The following CEP152 variants were observed in gnomAD, a reference collection of about 807,000 sequenced individuals.
The protein encoded by CEP152 is centrosomal protein 152, also known as centrosomal protein of 152 kDa.
A neutral mutation model predicts 188.9 loss-of-function variants in CEP152; 132 were observed. The ratio of observed to expected loss-of-function variants is 0.70; its 90% CI spans 0.61 to 0.81. The LOEUF is 0.81. Ranked by LOEUF, CEP152 falls within the 30% of genes least tolerant of loss-of-function variation. The pLI is 0.00. For synonymous variants in CEP152, 649 were observed against 666.6 expected (o/e 0.97, Z 0.41); for missense variants, 1,914 against 1,969.8 (o/e 0.97, Z 0.54).
At chr15:48,753,260 T>C (rs1178935645) in intron 20 of CEP152, among the ~76,000 whole-genome samples, 3 of 152,102 alleles carry the variant, frequency 2.0e-5, no homozygotes, top group Non-Finnish European at 4.4e-5. Context: ...GCCTCAACCC[T>C]CGTGATCCGC....
chr15:48,764,009 C>T (rs1002865734), intron 17 of CEP152, among the ~76,000 whole-genome samples: 4 of 151,994 alleles, frequency 2.6e-5, no homozygotes, highest in Admixed American at 2.0e-4. Context: ...TGAGTTGGGT[C>T]GAAAAGTCAA....
chr15:48,786,868 G>A (rs1896672730), intron 9 of CEP152, among the ~76,000 whole-genome samples: 1 of 152,098 alleles, frequency 6.6e-6, no homozygotes, highest in South Asian at 2.1e-4. Context: ...GAGTAATGCA[G>A]TGGGCACAGG....
chr15:48,774,784 T>C (rs1452297748), intron 12 of CEP152, among the ~76,000 whole-genome samples: 1 of 151,806 alleles, frequency 6.6e-6, no homozygotes, highest in Admixed American at 6.6e-5. Flanking sequence ...ACCAGAAAAA[T>C]GTGGCCAAAT....
At chr15:48,736,001 A>C (rs968502081), downstream of CEP152, among the ~76,000 whole-genome samples, 3 of 152,234 alleles carry the variant, frequency 2.0e-5, no homozygotes, top group African/African-American at 7.2e-5. Context: ...GATTATGAGA[A>C]TACTATGGCT....
At chr15:48,810,323 T>C (rs938955865) in intron 1 of CEP152, 2 of 152,238 alleles carry the variant, frequency 1.3e-5, no homozygotes, top group African/African-American at 4.8e-5. Context: ...TTCGACAATT[T>C]ACCAAGCACT....
In CEP152 at chr15:48,762,625, C is replaced by CCA. The variant is rs1894770954; in HGVS notation, c.2327_2328insTG (p.Lys776AsnfsTer7). On this transcript the variant is annotated frameshift_variant, in exon 18 of 27. Coordinates refer to ENST00000380950, the MANE Select transcript of CEP152 (RefSeq NM_001194998.2). LOFTEE classifies it high-confidence loss of function. Reference sequence around the variant, plus strand: ...TCATTGCCTTTATAGTTTGATCCAGCTTAGACTGCCACTCCTTTTCAAGCT... The same window carrying CCA: ...TCATTGCCTTTATAGTTTGATCCAGCCATTAGACTGCCACTCCTTTTCAAGCT... 2 of 1,613,820 alleles carry CCA rather than the reference C, an allele frequency of 1.2e-6. No homozygotes were observed. The highest frequency in any genetic ancestry group is 1.7e-6 in the Non-Finnish European group (2 of 1,179,992).
At chr15:48,765,372 A>C (rs1311844889) in intron 17 of CEP152, among the ~76,000 whole-genome samples, 1 of 152,054 alleles carries the variant, frequency 6.6e-6, no homozygotes, top group East Asian at 1.9e-4. Flanking sequence ...TTTTTTTTTA[A>C]TTATACTTTA....
At chr15:48,795,942 TATTC>T (rs1171289992) in intron 6 of CEP152, 64 bp downstream of exon 6, 18 of 1,363,866 alleles carry the variant, frequency 1.3e-5, no homozygotes, top group Non-Finnish European at 1.8e-5. Context: ...TGTGCTCAAA[TATTC>T]ATTGTGTATT....
At chr15:48,741,524 CCTT>C in intron 26 of CEP152, 74 bp downstream of exon 26, 1 of 1,610,840 alleles carries the variant, frequency 6.2e-7, no homozygotes, top group Admixed American at 1.7e-5. Flanking sequence ...ACCTTCCCTG[CCTT>C]CTTCATACTG....
chr15:48,773,568 G>A (rs1895699555), intron 12 of CEP152: 1 of 152,212 alleles, frequency 6.6e-6, no homozygotes, highest in African/African-American at 2.4e-5. Context: ...AAAGAGCTCT[G>A]GAGATCTGTT....
chr15:48,760,707 C>G (rs1390869344), intron 18 of CEP152, among the ~76,000 whole-genome samples: 1 of 152,090 alleles, frequency 6.6e-6, no homozygotes, highest in Non-Finnish European at 1.5e-5. Context: ...GAGCCCTACA[C>G]CTGCGAACTT....
chr15:48,736,747 C>A (rs1306323781), downstream of CEP152, among the ~76,000 whole-genome samples: 2 of 152,114 alleles, frequency 1.3e-5, no homozygotes, highest in Non-Finnish European at 2.9e-5. Context: ...GAGCAGAAAG[C>A]AAGAGAACTT....
intron 7 of CEP152, among the ~76,000 whole-genome samples, chr15:48,791,704 A>T (rs542029360): frequency 6.6e-6 from 1 of 152,168 alleles, no homozygotes; most frequent in South Asian, 2.1e-4. Flanking sequence ...TTTAGTAGAG[A>T]TGGGGTTTCA....
At chr15:48,753,965 T>G (rs907751082) in intron 20 of CEP152, among the ~76,000 whole-genome samples, 3 of 152,220 alleles carry the variant, frequency 2.0e-5, no homozygotes, top group Admixed American at 1.3e-4. Flanking sequence ...CATGAACAAT[T>G]TTTAAAACTA....
Position 48,797,934 on chromosome 15 carries a change from C to T in CEP152, c.191+14G>A, listed in dbSNP as rs1021028890. The stretch of plus-strand genomic sequence containing the variant: ...AATTGCAATATACAAGTGAAAGTGA[C>T]TTCAGGTGCTTACTGTCCGTCTGTG... On this transcript the variant is annotated intron_variant, in intron 3 of 26. Coordinates refer to ENST00000380950, the MANE Select transcript of CEP152 (RefSeq NM_001194998.2). 1.2e-6 allele frequency: 2 copies of T among 1,606,446 alleles called. No homozygotes were observed. The highest frequency in any genetic ancestry group is 2.7e-5 in the African/African-American group (2 of 74,856).
In CEP152 at chr15:48,767,194, T is replaced by A; in HGVS notation, c.2148-2A>T. On this transcript the variant is annotated splice_acceptor_variant, in intron 16 of 26. Coordinates refer to ENST00000380950, the MANE Select transcript of CEP152 (RefSeq NM_001194998.2). LOFTEE classifies it high-confidence loss of function. ...TTATTCAACTTATCCAACTCAGACC[T>A]TGGATACACAAAACCAGCAACTAAA... 3 of 1,613,852 alleles carry A rather than the reference T, an allele frequency of 1.9e-6. No individual in the cohort carries two copies. Among genetic ancestry groups the A allele is most frequent in the Non-Finnish European group, 2.5e-6 (3 of 1,180,022 alleles).
At chr15:48,768,431 CT>C (rs908959642) in intron 14 of CEP152, 103 bp from the exon 15 acceptor site, 14 of 678,292 alleles carry the variant, frequency 2.1e-5, no homozygotes, top group African/African-American at 1.6e-4. Flanking sequence ...TCTCTCTCCC[CT>C]ATAACAATAT....
chr15:48,735,305 T>G (rs758313347), downstream of CEP152, among the ~76,000 whole-genome samples: 1 of 152,222 alleles, frequency 6.6e-6, no homozygotes, highest in African/African-American at 2.4e-5. Context: ...TATTTTGAAC[T>G]AAATGAAAAC....
In CEP152 at chr15:48,752,332, G is replaced by A. The variant is rs1317457524; in HGVS notation, c.3466+17C>T. The stretch of plus-strand genomic sequence containing the variant: ...TTATGGATGCTACAAAGACTGGTGG[G>A]AACAAAATCCAATTACCAGCTTCTG... On this transcript the variant is annotated intron_variant, in intron 21 of 26. Transcript: ENST00000380950. 1 of 1,614,004 alleles carries A rather than the reference G, an allele frequency of 6.2e-7. No individual in the cohort carries two copies.
Sources: gnomAD v4.1 joint callset for allele counts (sites outside exome capture counted in the v4.1 genomes callset) on GRCh38, gnomAD v4.1.1 for gene constraint, MANE v1.5 for transcripts, NCBI Gene and HGNC (gene_info 2026-07-23, HGNC 2026-07-21) for gene names.